Variants in TYW1B observed in about 807,000 individuals in gnomAD.
TYW1B encodes S-adenosyl-L-methionine-dependent tRNA 4-demethylwyosine synthase TYW1B.
In TYW1B, 73 loss-of-function variants were observed where a neutral mutation model predicts 86.9. That is an observed-to-expected ratio of 0.84 (90% CI 0.70 to 1.02). TYW1B has a LOEUF of 1.02. Ranked by LOEUF, TYW1B falls within the 50% of genes least tolerant of loss-of-function variation. The pLI is 0.00. For missense variants in TYW1B, 637 were observed against 827.4 expected (o/e 0.77, Z 2.82); for synonymous variants, 248 against 292.8 (o/e 0.85, Z 1.56).
At chr7:72,823,697 G>A (rs1306909432) in intron 2 of TYW1B, among the ~76,000 whole-genome samples, 1 of 151,884 alleles carries the variant, frequency 6.6e-6, no homozygotes, top group Non-Finnish European at 1.5e-5. Context: ...GCTTTAAGAT[G>A]GAAGATGGCT....
chr7:72,784,572 ACTGAAACCTCCAT>A (rs1479812700), intron 6 of TYW1B, among the ~76,000 whole-genome samples: 1 of 152,188 alleles, frequency 6.6e-6, no homozygotes, highest in African/African-American at 2.4e-5. Context: ...ATCTCGGCTC[ACTGAAACCTCCAT>A]CTCTCAGGCT....
chr7:72,583,415 T>C (rs1331266890), intron 13 of TYW1B, among the ~76,000 whole-genome samples: 4 of 152,106 alleles, frequency 2.6e-5, no homozygotes, highest in Non-Finnish European at 5.9e-5. Context: ...AATATAAGTA[T>C]GCTATTTAGA....
intron 6 of TYW1B, among the ~76,000 whole-genome samples, chr7:72,793,628 C>T (rs186665623): frequency 9.2e-5 from 14 of 151,756 alleles, no homozygotes; most frequent in South Asian, 2.1e-4. Flanking sequence ...TGGTTGCAGG[C>T]GCCTGTAATC....
intron 13 of TYW1B, among the ~76,000 whole-genome samples, chr7:72,607,705 G>T (rs1396050053): frequency 6.6e-6 from 1 of 151,428 alleles, no homozygotes; most frequent in Non-Finnish European, 1.5e-5. Context: ...ATACCTGTGG[G>T]ACCATAACAA....
chr7:72,584,284 A>G (rs1164086320), intron 13 of TYW1B, among the ~76,000 whole-genome samples: 1 of 152,086 alleles, frequency 6.6e-6, no homozygotes, highest in Non-Finnish European at 1.5e-5. Flanking sequence ...GGCTCATGCA[A>G]TTCTCCCATT....
At chr7:72,787,443 A>T (rs1431896650) in intron 6 of TYW1B, among the ~76,000 whole-genome samples, 12 of 141,690 alleles carry the variant, frequency 8.5e-5, no homozygotes, top group African/African-American at 2.6e-4. Flanking sequence ...AGCCTGGGCG[A>T]CACAGTGAGA....
intron 10 of TYW1B, among the ~76,000 whole-genome samples, chr7:72,695,682 T>C (rs542135627): frequency 6.6e-6 from 1 of 152,090 alleles, no homozygotes; most frequent in African/African-American, 2.4e-5. Flanking sequence ...AGTCTCAACC[T>C]CCCAGGTTCA....
At chr7:72,731,393 CAAA>C (rs59262388) in intron 8 of TYW1B, among the ~76,000 whole-genome samples, 4 of 33,060 alleles carry the variant, frequency 1.2e-4, no homozygotes, top group Non-Finnish European at 1.6e-4. Context: ...TACCAAACTG[CAAA>C]AAAAAAAAAA....
chr7:72,606,480 T>C (rs1811801438), intron 13 of TYW1B, among the ~76,000 whole-genome samples: 1 of 151,964 alleles, frequency 6.6e-6, no homozygotes. Flanking sequence ...TCATACAGAC[T>C]ACACAGAAAG....
intron 4 of TYW1B, 101 bp from the exon 5 acceptor site, chr7:72,807,457 T>C (rs1788520673): frequency 3.4e-6 from 5 of 1,454,582 alleles, no homozygotes; most frequent in Non-Finnish European, 4.6e-6. Context: ...CCCCTGGTCA[T>C]GGGCTACCAC....
At chr7:72,753,778 C>T (rs1244375883) in intron 7 of TYW1B, among the ~76,000 whole-genome samples, 2 of 151,968 alleles carry the variant, frequency 1.3e-5, no homozygotes, top group Non-Finnish European at 2.9e-5. Context: ...TGCGTCCGGC[C>T]CAATCATTAG....
intron 8 of TYW1B, among the ~76,000 whole-genome samples, chr7:72,741,053 C>T (rs1554462244): frequency 6.6e-6 from 1 of 152,024 alleles, no homozygotes. Flanking sequence ...TTCAACAAAA[C>T]ATTTCTTTGC....
At chr7:72,592,854 T>C (rs1220322075) in intron 13 of TYW1B, among the ~76,000 whole-genome samples, 1 of 152,192 alleles carries the variant, frequency 6.6e-6, no homozygotes, top group African/African-American at 2.4e-5. Context: ...ATAACTATTA[T>C]AAACATTTAG....
At chr7:72,785,680 T>TGACA (rs1554472315) in intron 6 of TYW1B, among the ~76,000 whole-genome samples, 1 of 152,102 alleles carries the variant, frequency 6.6e-6, no homozygotes, top group African/African-American at 2.4e-5. Flanking sequence ...AGTCTTACAA[T>TGACA]GACAGTGCTT....
At chr7:72,657,589 A>G (rs781853201) in intron 11 of TYW1B, among the ~76,000 whole-genome samples, 5 of 152,126 alleles carry the variant, frequency 3.3e-5, no homozygotes, top group African/African-American at 7.2e-5. Context: ...TCTAAAAACA[A>G]CAAGTGTCAA....
At chr7:72,633,322 G>C (rs11770360) in intron 11 of TYW1B, among the ~76,000 whole-genome samples, 1 of 147,032 alleles carries the variant, frequency 6.8e-6, no homozygotes, top group African/African-American at 2.5e-5. Flanking sequence ...AAAGATTCCC[G>C]TCTAACACCA....
chr7:72,603,249 T>C (rs537996476), intron 13 of TYW1B, among the ~76,000 whole-genome samples: 24 of 149,754 alleles, frequency 1.6e-4, no homozygotes, highest in South Asian at 2.1e-4. Context: ...GACGGACGGA[T>C]GGATGGATGG....
Position 72,746,965 on chromosome 7 carries a change from G to T in TYW1B, c.965-2364C>A, listed in dbSNP as rs541624794. On this transcript the variant is annotated intron_variant, in intron 7 of 13. Coordinates refer to ENST00000620995, the MANE Select transcript of TYW1B (RefSeq NM_001145440.3). ...CCATTTTGAATTAATTTTTATATAA[G>T]GTGTGAGGTTTAAGACACTCTTTTT... 2.6e-5 allele frequency among the ~76,000 whole-genome samples: 4 copies of T among 152,272 alleles called. No homozygotes were observed. In the East Asian group the frequency reaches 5.8e-4, roughly 22 times the overall value.
At chr7:72,808,773 C>T (rs6950321) in intron 4 of TYW1B, among the ~76,000 whole-genome samples, 12,437 of 151,916 alleles carry the variant, frequency 0.082, 904 homozygotes, top group East Asian at 0.33. Context: ...GTGATCCGCC[C>T]GCCTCTGCCT....
Sources: gnomAD v4.1 joint callset for allele counts (sites outside exome capture counted in the v4.1 genomes callset) on GRCh38, gnomAD v4.1.1 for gene constraint, MANE v1.5 for transcripts, NCBI Gene and HGNC (gene_info 2026-07-23, HGNC 2026-07-21) for gene names.